Variants in CDH12 observed in about 807,000 individuals in gnomAD.
The protein encoded by CDH12 is cadherin-12.
A neutral mutation model predicts 74.1 loss-of-function variants in CDH12; 41 were observed. That is an observed-to-expected ratio of 0.55 (90% confidence interval 0.43 to 0.72). The LOEUF (loss-of-function observed/expected upper bound fraction) is 0.72, where lower values mean the gene tolerates loss of function less well. Ranked by LOEUF, CDH12 falls within the 30% of genes least tolerant of loss-of-function variation. The probability of loss-of-function intolerance (pLI) is 0.00; values close to 1 mark genes in which losing one functional copy is unlikely to be tolerated. For missense variants in CDH12, 945 were observed against 977.2 expected (o/e 0.97, Z 0.44); for synonymous variants, 399 against 355.0 (o/e 1.12, Z -1.39).
chr5:22,109,593 C>T (rs1744695064), intron 4 of CDH12, among the ~76,000 whole-genome samples: 1 of 152,200 alleles, frequency 6.6e-6, no homozygotes, highest in Admixed American at 6.5e-5. Context: ...AGCTCACAAG[C>T]AGGCTGACAT....
At chr5:21,752,565 T>TAAG (rs1439726921) in intron 14 of CDH12, among the ~76,000 whole-genome samples, 1 of 152,208 alleles carries the variant, frequency 6.6e-6, no homozygotes, top group Non-Finnish European at 1.5e-5. Context: ...TGTAAGAATA[T>TAAG]AAGAAAACTT....
At chr5:22,697,728 C>A (rs1208166762) in intron 1 of CDH12, among the ~76,000 whole-genome samples, 1 of 152,082 alleles carries the variant, frequency 6.6e-6, no homozygotes, top group African/African-American at 2.4e-5. Flanking sequence ...TATGTTGAAG[C>A]CCAAATCCAT....
At chr5:22,207,892 C>T (rs2150359987) in intron 4 of CDH12, among the ~76,000 whole-genome samples, 1 of 152,298 alleles carries the variant, frequency 6.6e-6, no homozygotes, top group Non-Finnish European at 1.5e-5. Flanking sequence ...AAGGTGACAG[C>T]TAATAATAAG....
chr5:22,076,963 G>T (rs1170941210), intron 5 of CDH12, among the ~76,000 whole-genome samples: 1 of 152,054 alleles, frequency 6.6e-6, no homozygotes. Context: ...TGCACTATGA[G>T]GTTGGCCCCG....
chr5:21,956,646 TTTC>T lies in CDH12; in HGVS notation c.526+18442_526+18444del, dbSNP rs373067161. Among the ~76,000 whole-genome samples the T allele has an allele frequency of 4.4e-3, 671 of 152,210 alleles. 7 individuals carry two copies. The highest frequency in any genetic ancestry group is 8.4e-3 in the Non-Finnish European group (569 of 67,986). On this transcript the variant is annotated intron_variant, in intron 6 of 14. Coordinates refer to ENST00000382254, the MANE Select transcript of CDH12 (RefSeq NM_004061.5). ...CTATGGACACCAAGGCTATTGACAT[TTTC>T]TTTGGTTTCTTCTGTTACTTCTATT...
intron 1 of CDH12, among the ~76,000 whole-genome samples, chr5:22,750,691 A>G (rs1334842796): frequency 6.6e-6 from 1 of 152,152 alleles, no homozygotes; most frequent in Non-Finnish European, 1.5e-5. Context: ...GATACTGATG[A>G]CACAGTTAAA....
chr5:21,793,879 G>A (rs1241772181), intron 10 of CDH12, among the ~76,000 whole-genome samples: 1 of 150,674 alleles, frequency 6.6e-6, no homozygotes, highest in Non-Finnish European at 1.5e-5. Context: ...TTCAAGAAGA[G>A]CATTTTCTAT....
chr5:22,662,345 G>C (rs1204639364), intron 1 of CDH12, among the ~76,000 whole-genome samples: 1 of 152,158 alleles, frequency 6.6e-6, no homozygotes, highest in African/African-American at 2.4e-5. Context: ...TTCAGGTCTA[G>C]GAAGTGGAGT....
At chr5:21,771,862 G>GGCCTA in intron 11 of CDH12, among the ~76,000 whole-genome samples, 1 of 152,158 alleles carries the variant, frequency 6.6e-6, no homozygotes, top group South Asian at 2.1e-4. Flanking sequence ...TTCCTTTTAG[G>GGCCTA]GCCTAGCTAT....
At chr5:22,828,035 C>T (rs1021952727) in intron 1 of CDH12, among the ~76,000 whole-genome samples, 1 of 152,022 alleles carries the variant, frequency 6.6e-6, no homozygotes, top group African/African-American at 2.4e-5. Flanking sequence ...TGAGAAAGTC[C>T]TATAATCTGG....
intron 3 of CDH12, among the ~76,000 whole-genome samples, chr5:22,363,753 A>T (rs1298883181): frequency 1.3e-5 from 2 of 152,174 alleles, no homozygotes; most frequent in Admixed American, 1.3e-4. Context: ...TGGGAAGTAA[A>T]GACATGATGT....
At chr5:22,482,675 A>T (rs1210618136) in intron 2 of CDH12, among the ~76,000 whole-genome samples, 1 of 152,156 alleles carries the variant, frequency 6.6e-6, no homozygotes, top group African/African-American at 2.4e-5. Context: ...AGTGGAATTT[A>T]ACCCTTAGTA....
intron 7 of CDH12, among the ~76,000 whole-genome samples, chr5:21,846,656 A>G (rs1750186829): frequency 6.6e-6 from 1 of 152,004 alleles, no homozygotes; most frequent in South Asian, 2.1e-4. Context: ...CATCTTCTAC[A>G]TATGCCCTGA....
intron 3 of CDH12, among the ~76,000 whole-genome samples, chr5:22,289,636 G>A (rs931461480): frequency 6.6e-6 from 1 of 152,134 alleles, no homozygotes; most frequent in East Asian, 1.9e-4. Context: ...GTACCTGGTT[G>A]TAGCACAATA....
intron 1 of CDH12, among the ~76,000 whole-genome samples, chr5:22,751,733 C>A (rs1466547270): frequency 1.3e-5 from 2 of 152,132 alleles, no homozygotes; most frequent in African/African-American, 4.8e-5. Context: ...ATGTTGCCAG[C>A]TAGCAAAACA....
At chr5:22,061,333 C>T (rs1297350903) in intron 5 of CDH12, among the ~76,000 whole-genome samples, 1 of 152,000 alleles carries the variant, frequency 6.6e-6, no homozygotes, top group Non-Finnish European at 1.5e-5. Flanking sequence ...ATAGTTAGTA[C>T]CTTCTGTAAC....
At chr5:22,804,996 T>C (rs1369861714) in intron 1 of CDH12, among the ~76,000 whole-genome samples, 1 of 152,138 alleles carries the variant, frequency 6.6e-6, no homozygotes, top group Non-Finnish European at 1.5e-5. Context: ...ATATATCAAG[T>C]ATGGGCAAGA....
chr5:22,802,698 T>A (rs995453606), intron 1 of CDH12, among the ~76,000 whole-genome samples: 3 of 152,148 alleles, frequency 2.0e-5, no homozygotes, highest in South Asian at 2.1e-4. Context: ...CTGGATTAAC[T>A]TTTTGTTAAT....
At chr5:21,790,484 T>G (rs16888385) in intron 10 of CDH12, among the ~76,000 whole-genome samples, 7,179 of 152,114 alleles carry the variant, frequency 0.047, 256 homozygotes, top group East Asian at 0.15. Flanking sequence ...AAATGTAGCA[T>G]GAAGCACAGT....
Sources: allele counts gnomAD v4.1 joint callset (sites outside exome capture counted in the v4.1 genomes callset), GRCh38; gene constraint gnomAD v4.1.1; transcripts MANE v1.5; gene names NCBI Gene and HGNC (gene_info 2026-07-23, HGNC 2026-07-21).